DNAJC1: variants seen among roughly 807,000 people sequenced by gnomAD.
DNAJC1 encodes DnaJ heat shock protein family (Hsp40) member C1.
In DNAJC1, 58 loss-of-function variants were observed where a neutral mutation model predicts 76.6. The observed-to-expected ratio is 0.76, with a 90% CI of 0.61 to 0.94. DNAJC1 has a LOEUF of 0.94. DNAJC1 is among the 40% of genes least tolerant of loss of function. The probability of loss-of-function intolerance (pLI) is 0.00; values close to 1 mark genes in which losing one functional copy is unlikely to be tolerated. For synonymous variants in DNAJC1, 258 were observed against 267.9 expected (o/e 0.96, Z 0.36); for missense variants, 689 against 677.3 (o/e 1.02, Z -0.19).
intron 8 of DNAJC1, among the ~76,000 whole-genome samples, chr10:21,852,054 AAAAAAAT>A (rs1835764410): frequency 6.7e-6 from 1 of 149,410 alleles, no homozygotes; most frequent in Non-Finnish European, 1.5e-5. Flanking sequence ...CTCTGTCTCA[AAAAAAAT>A]AAAAAATAAA....
chr10:21,913,892 T>C (rs567060613), intron 6 of DNAJC1, among the ~76,000 whole-genome samples: 13 of 152,298 alleles, frequency 8.5e-5, no homozygotes, highest in Admixed American at 4.6e-4. Flanking sequence ...ACCCACATCT[T>C]CTGGGGATCA....
intron 6 of DNAJC1, among the ~76,000 whole-genome samples, chr10:21,905,542 G>A (rs1287991407): frequency 6.6e-6 from 1 of 152,070 alleles, no homozygotes; most frequent in Non-Finnish European, 1.5e-5. Flanking sequence ...ACCCATTCAA[G>A]CCCCATCTCC....
chr10:21,848,020 C>T (rs1234286430), intron 8 of DNAJC1, among the ~76,000 whole-genome samples: 1 of 152,130 alleles, frequency 6.6e-6, no homozygotes, highest in Non-Finnish European at 1.5e-5. Flanking sequence ...TTTGTAGTTT[C>T]TTGAAGAATG....
chr10:21,877,223 G>A (rs764078448), intron 8 of DNAJC1, among the ~76,000 whole-genome samples: 20 of 152,026 alleles, frequency 1.3e-4, no homozygotes, highest in African/African-American at 4.1e-4. Flanking sequence ...GCAGGGAGCC[G>A]TGATTGCATC....
chr10:21,779,427 TGCTGTTCTGCAATATCC>T (rs1240662865), intron 9 of DNAJC1, among the ~76,000 whole-genome samples: 1 of 152,186 alleles, frequency 6.6e-6, no homozygotes, highest in Non-Finnish European at 1.5e-5. Context: ...CAGCAACATT[TGCTGTTCTGCAATATCC>T]GCTGTTCTGC....
rs1489261132 is a variant in DNAJC1, at chr10:21,837,281, C to T, written c.979-31182G>A. Among the ~76,000 whole-genome samples, 4 of 152,204 alleles carry T rather than the reference C, an allele frequency of 2.6e-5. No homozygotes were observed. The East Asian group carries it at 5.8e-4, about 22-fold the overall frequency. ...CGCTACACCCTCCACCTCCCAGCCGCCTGCCTTGGCCTCCCAAAGTGCTGA... is the reference window on the plus strand; with the variant it reads ...CGCTACACCCTCCACCTCCCAGCCGTCTGCCTTGGCCTCCCAAAGTGCTGA... On this transcript the variant is annotated intron_variant, in intron 8 of 11. Transcript: ENST00000376980.
intron 1 of DNAJC1, among the ~76,000 whole-genome samples, chr10:21,979,725 TC>T (rs1244915455): frequency 1.3e-5 from 2 of 151,698 alleles, no homozygotes; most frequent in African/African-American, 4.8e-5. Flanking sequence ...TTTTTTTTTT[TC>T]ACCATGGCTT....
At chr10:21,777,322 T>C (rs996817749) in intron 9 of DNAJC1, among the ~76,000 whole-genome samples, 1 of 152,152 alleles carries the variant, frequency 6.6e-6, no homozygotes, top group African/African-American at 2.4e-5. Context: ...GAATCTTAAA[T>C]AGGAGATATA....
chr10:21,948,552 G>A (rs1015196572), intron 1 of DNAJC1, among the ~76,000 whole-genome samples: 3 of 152,106 alleles, frequency 2.0e-5, no homozygotes, highest in Admixed American at 6.5e-5. Context: ...AGTTACCCAT[G>A]GTCAACTGCA....
At chr10:21,850,607 T>C (rs1835736887) in intron 8 of DNAJC1, among the ~76,000 whole-genome samples, 1 of 151,668 alleles carries the variant, frequency 6.6e-6, no homozygotes, top group Non-Finnish European at 1.5e-5. Flanking sequence ...ACTATGCACA[T>C]CTATGCACAT....
At chr10:21,883,103 A>G (rs1836308863) in intron 7 of DNAJC1, among the ~76,000 whole-genome samples, 1 of 152,108 alleles carries the variant, frequency 6.6e-6, no homozygotes, top group African/African-American at 2.4e-5. Context: ...TGCAAAAATT[A>G]GCTGCGTGTG....
intron 1 of DNAJC1, among the ~76,000 whole-genome samples, chr10:21,998,979 G>T (rs1164111886): frequency 6.6e-6 from 1 of 152,170 alleles, no homozygotes; most frequent in African/African-American, 2.4e-5. Context: ...GTCATAAGGT[G>T]GTCTGGTCCA....
chr10:21,774,442 TAC>T (rs1834428541), intron 9 of DNAJC1, among the ~76,000 whole-genome samples: 1 of 152,182 alleles, frequency 6.6e-6, no homozygotes, highest in African/African-American at 2.4e-5. Flanking sequence ...CAGCCTTTCA[TAC>T]ACATTGTTTT....
intron 9 of DNAJC1, among the ~76,000 whole-genome samples, chr10:21,776,520 CTACAGCGTTCAAA>C (rs1834455571): frequency 6.6e-6 from 1 of 152,170 alleles, no homozygotes; most frequent in Admixed American, 6.5e-5. Flanking sequence ...GTAAGAACTA[CTACAGCGTTCAAA>C]TACAAGGCAT....
At chr10:21,950,591 A>C (rs1837578147) in intron 1 of DNAJC1, among the ~76,000 whole-genome samples, 1 of 152,180 alleles carries the variant, frequency 6.6e-6, no homozygotes, top group Admixed American at 6.5e-5. Context: ...GAAATGATTA[A>C]GTTTAGTGAG....
intron 1 of DNAJC1, among the ~76,000 whole-genome samples, chr10:21,937,286 C>T (rs1837324480): frequency 6.6e-6 from 1 of 152,014 alleles, no homozygotes; most frequent in Admixed American, 6.5e-5. Flanking sequence ...AAAGATATTC[C>T]TTGCAAACAG....
chr10:21,778,971 C>T (rs899795286), intron 9 of DNAJC1, among the ~76,000 whole-genome samples: 2 of 152,240 alleles, frequency 1.3e-5, no homozygotes, highest in Non-Finnish European at 2.9e-5. Flanking sequence ...CTTGGACGGT[C>T]CCACGCCCAT....
chr10:21,761,902 C>A (rs1589970289), intron 10 of DNAJC1, among the ~76,000 whole-genome samples: 2 of 152,110 alleles, frequency 1.3e-5, no homozygotes, highest in Admixed American at 1.3e-4. Flanking sequence ...TTTGAAAACA[C>A]AATTTTTTTT....
At chr10:21,824,484 A>C (rs1372688089) in intron 8 of DNAJC1, among the ~76,000 whole-genome samples, 4 of 152,234 alleles carry the variant, frequency 2.6e-5, no homozygotes, top group African/African-American at 9.6e-5. Flanking sequence ...GAGTACACGA[A>C]GTAAGGCTGT....
Sources: gnomAD v4.1 joint callset for allele counts (sites outside exome capture counted in the v4.1 genomes callset) on GRCh38, gnomAD v4.1.1 for gene constraint, MANE v1.5 for transcripts, NCBI Gene and HGNC (gene_info 2026-07-23, HGNC 2026-07-21) for gene names.